Variants in PPIG observed in about 807,000 individuals in gnomAD.
PPIG encodes peptidylprolyl isomerase G.
Under a neutral mutation model 87.9 loss-of-function variants are expected in PPIG, and 26 were observed. The ratio of observed to expected loss-of-function variants is 0.30; its 90% confidence interval spans 0.22 to 0.41. The LOEUF (loss-of-function observed/expected upper bound fraction) is 0.41. Ranked by LOEUF, PPIG falls within the 10% of genes least tolerant of loss-of-function variation. The pLI, the probability that PPIG is intolerant of heterozygous loss-of-function variation, is 1.00. For missense variants in PPIG, 722 were observed against 879.4 expected, an observed-to-expected ratio of 0.82 and a Z score of 2.26; for synonymous variants, 308 against 276.5, an observed-to-expected ratio of 1.11 and a Z score of -1.13.
intron 1 of PPIG, among the ~76,000 whole-genome samples, chr2:169,589,735 G>C (rs965726962): frequency 6.6e-6 from 1 of 152,074 alleles, no homozygotes; most frequent in African/African-American, 2.4e-5. Context: ...AGTTGTGGAG[G>C]AGGCAGAGAG....
intron 1 of PPIG, among the ~76,000 whole-genome samples, chr2:169,592,395 C>A (rs987673112): frequency 6.7e-6 from 1 of 149,910 alleles, no homozygotes; most frequent in Non-Finnish European, 1.5e-5. Flanking sequence ...AGCTCCGCCT[C>A]CCGGGTTCAC....
rs1175493783 is a variant in PPIG, at chr2:169,633,196, A to G, written c.966A>G (p.Arg322=). The G allele has an allele frequency of 2.5e-6, 4 of 1,611,230 alleles. No homozygotes were observed. In the Admixed American group the frequency reaches 5.0e-5, roughly 20 times the overall value. ...ACTCCCAGCCTGCTTCATACCAGAGACGACTTTTAGTTACTAGATCTGGCA... is the reference window on the plus strand; with the variant it reads ...ACTCCCAGCCTGCTTCATACCAGAGGCGACTTTTAGTTACTAGATCTGGCA... ...PPNSQPASYQ[R]RLLVTRSGRK... Residue 322 remains arginine (R), a synonymous_variant, in exon 12 of 14, where the codon AGA becomes AGG. Transcript: ENST00000260970.
intron 6 of PPIG, among the ~76,000 whole-genome samples, chr2:169,607,611 T>C (rs996931676): frequency 2.6e-5 from 4 of 152,246 alleles, no homozygotes; most frequent in Middle Eastern, 3.2e-3. Flanking sequence ...GAAAATGGTC[T>C]ATAAGCATAT....
At chr2:169,617,265 T>G (rs1277774937) in intron 9 of PPIG, among the ~76,000 whole-genome samples, 13 of 152,228 alleles carry the variant, frequency 8.5e-5, no homozygotes, top group Admixed American at 8.5e-4. Flanking sequence ...TACTGTAGCC[T>G]TGCAGTATAG....
intron 9 of PPIG, among the ~76,000 whole-genome samples, chr2:169,624,677 TCCCTGGTTC>T (rs1420280656): frequency 3.3e-5 from 5 of 152,212 alleles, no homozygotes; most frequent in Non-Finnish European, 7.3e-5. Flanking sequence ...AAGCTCCACC[TCCCTGGTTC>T]ACGCGATTCT....
intron 5 of PPIG, among the ~76,000 whole-genome samples, chr2:169,606,443 T>G (rs1262109318): frequency 6.6e-6 from 1 of 151,576 alleles, no homozygotes. Flanking sequence ...AATAGAAAAA[T>G]TTGCTGGGCA....
In PPIG at chr2:169,585,270, C is replaced by CTTTTTTTTTTTTTTTTTTTT. The variant is rs1553542345; in HGVS notation, c.-70+789_-70+790insTTTTTTTTTTTTTTTTTTTT. Among the ~76,000 whole-genome samples, 89 of 118,754 alleles carry CTTTTTTTTTTTTTTTTTTTT rather than the reference C, an allele frequency of 7.5e-4. 4 individuals are homozygous for CTTTTTTTTTTTTTTTTTTTT. The highest frequency in any genetic ancestry group is 1.3e-3 in the Non-Finnish European group (77 of 59,548). 77.9% of individuals were successfully genotyped at this position (118,754 alleles called of 152,430 possible). A position where few individuals can be genotyped will look rare whatever the true frequency, so the allele number is the denominator to read the frequency against. On this transcript the variant is annotated intron_variant, in intron 1 of 13. Transcript: ENST00000260970. ...TATGCTAATTTGGTTCTTGGTTAGT[C>CTTTTTTTTTTTTTTTTTTTT]TTTTTTTTTGAGACGGAGTCTCGCT...
chr2:169,590,681 G>C (rs1037390783), intron 1 of PPIG, among the ~76,000 whole-genome samples: 4 of 152,148 alleles, frequency 2.6e-5, no homozygotes, highest in Admixed American at 6.6e-5. Flanking sequence ...GAGAGTCAGC[G>C]TGAAGTTCCC....
intron 4 of PPIG, 79 bp from the exon 5 acceptor site, chr2:169,605,960 G>A: frequency 1.1e-6 from 1 of 935,906 alleles, no homozygotes; most frequent in Non-Finnish European, 1.7e-6. Flanking sequence ...GTTCAAGAGG[G>A]GCATATTTTA....
In PPIG at chr2:169,608,828, A is replaced by G. The variant is rs1163413193; in HGVS notation, c.377+70A>G. On this transcript the variant is annotated intron_variant, in intron 7 of 13. Coordinates refer to ENST00000260970, the MANE Select transcript of PPIG (RefSeq NM_004792.3). ...CCGGGCACGGTGGCTCATGCCTGTA[A>G]TCCCAGGACTTTGGGAGGCTGAGGC... 5 of 1,084,876 alleles carry G rather than the reference A, an allele frequency of 4.6e-6. No homozygotes were observed. The East Asian group carries it at 1.1e-4, about 24-fold the overall frequency. 67.2% of individuals were successfully genotyped at this position (1,084,876 alleles called of 1,614,324 possible). A position where few individuals can be genotyped will look rare whatever the true frequency, so the allele number is the denominator to read the frequency against.
At chr2:169,590,085 G>A (rs114916695) in intron 1 of PPIG, among the ~76,000 whole-genome samples, 12,645 of 150,086 alleles carry the variant, frequency 0.084, 732 homozygotes, top group South Asian at 0.13. Flanking sequence ...CTCCAGCCTG[G>A]GCAACAAGAA....
rs1406365815 is a variant in PPIG, at chr2:169,636,744, A to G, written c.1486A>G (p.Asn496Asp). ...AAGGAGTAAAGGAAGGGATCATGAA[A>G]ATGTTAAAGAAAAAGAAAAGCAGTC... Reference protein sequence around the residue: ...RSRSKGRDHENVKEKEKQSDS... With the variant: ...RSRSKGRDHEDVKEKEKQSDS... Residue 496 changes from asparagine (N) to aspartate (D), a missense_variant, in exon 14 of 14, where the codon AAT becomes GAT. By Grantham distance (23) the Asn-to-Asp change is conservative (BLOSUM62 1). Coordinates refer to ENST00000260970, the MANE Select transcript of PPIG (RefSeq NM_004792.3). 1 of 1,612,348 alleles carries G rather than the reference A, an allele frequency of 6.2e-7. No homozygotes were observed. Among genetic ancestry groups the G allele is most frequent in the Non-Finnish European group, 8.5e-7 (1 of 1,179,740 alleles).
intron 9 of PPIG, among the ~76,000 whole-genome samples, chr2:169,628,917 C>T (rs1172709310): frequency 2.5e-5 from 3 of 120,516 alleles, no homozygotes; most frequent in African/African-American, 3.2e-5. Flanking sequence ...CTAGCCTGGG[C>T]AACAGAGCAA....
chr2:169,618,044 TGA>T (rs1354056186), intron 9 of PPIG, among the ~76,000 whole-genome samples: 2 of 152,226 alleles, frequency 1.3e-5, no homozygotes, highest in African/African-American at 4.8e-5. Flanking sequence ...CCTAGTTTAT[TGA>T]GAGTTTTTAG....
chr2:169,624,404 A>C (rs1279870927), intron 9 of PPIG, among the ~76,000 whole-genome samples: 1 of 152,192 alleles, frequency 6.6e-6, no homozygotes, highest in South Asian at 2.1e-4. Context: ...ATCTAAACTA[A>C]TTAACCAGAA....
intron 9 of PPIG, among the ~76,000 whole-genome samples, chr2:169,618,840 A>T (rs1252880988): frequency 4.7e-4 from 60 of 128,806 alleles, no homozygotes; most frequent in Non-Finnish European, 7.6e-4. Context: ...TTTTTTTTTT[A>T]AAGGGTTTTT....
chr2:169,609,952 C>T (rs970508701), intron 7 of PPIG, among the ~76,000 whole-genome samples: 5 of 152,202 alleles, frequency 3.3e-5, no homozygotes, highest in African/African-American at 1.2e-4. Flanking sequence ...TGTGAATTCA[C>T]CTTCTCACTA....
At chr2:169,599,225 G>GA (rs1685109266) in intron 1 of PPIG, among the ~76,000 whole-genome samples, 1 of 152,030 alleles carries the variant, frequency 6.6e-6, no homozygotes, top group African/African-American at 2.4e-5. Flanking sequence ...TCCAATTGGT[G>GA]AAAAAATGTT....
At chr2:169,600,885 T>C (rs1258667654) in intron 1 of PPIG, among the ~76,000 whole-genome samples, 1 of 152,130 alleles carries the variant, frequency 6.6e-6, no homozygotes, top group Non-Finnish European at 1.5e-5. Context: ...TTATGAATTT[T>C]AAGTTGAAAA....
Sources: gnomAD v4.1 joint callset for allele counts (sites outside exome capture counted in the v4.1 genomes callset) on GRCh38, gnomAD v4.1.1 for gene constraint, MANE v1.5 for transcripts, NCBI Gene and HGNC (gene_info 2026-07-23, HGNC 2026-07-21) for gene names.